Variants in PTPRT observed in about 807,000 individuals in gnomAD.
The protein encoded by PTPRT is protein tyrosine phosphatase receptor type T, also known as receptor-type tyrosine-protein phosphatase T.
PTPRT carries 56 observed loss-of-function variants against 176.8 expected under a neutral mutation model. That is an observed-to-expected ratio of 0.32 (90% CI 0.26 to 0.40). The LOEUF is 0.40. Ranked by LOEUF, PTPRT falls within the 10% of genes least tolerant of loss-of-function variation. PTPRT has a pLI of 1.00. For synonymous variants in PTPRT, 783 were observed against 739.0 expected, an observed-to-expected ratio of 1.06 and a Z score of -0.96; for missense variants, 1,540 against 1,908.2, an observed-to-expected ratio of 0.81 and a Z score of 3.60.
In PTPRT at chr20:42,357,384, G is replaced by A. The variant is rs549530558; in HGVS notation, c.1561-5099C>T. 1.3e-4 allele frequency among the ~76,000 whole-genome samples: 20 copies of A among 152,334 alleles called. No homozygotes were observed. In the East Asian group the frequency reaches 3.7e-3, roughly 28 times the overall value. On this transcript the variant is annotated intron_variant, in intron 9 of 30. Coordinates refer to ENST00000373187, the MANE Select transcript of PTPRT (RefSeq NM_007050.6). The stretch of plus-strand genomic sequence containing the variant: ...TTTAAGCTCCAAGGAGGCAAAGATC[G>A]TATCTGGTGTTTGTTCAACATTTCA...
At chr20:42,640,507 G>A (rs1371684040) in intron 7 of PTPRT, among the ~76,000 whole-genome samples, 1 of 152,028 alleles carries the variant, frequency 6.6e-6, no homozygotes, top group Non-Finnish European at 1.5e-5. Context: ...TCGTGCCTCA[G>A]GTTCCCGAGT....
intron 7 of PTPRT, among the ~76,000 whole-genome samples, chr20:42,572,642 G>T (rs774525085): frequency 6.6e-6 from 1 of 152,156 alleles, no homozygotes; most frequent in African/African-American, 2.4e-5. Flanking sequence ...TTCCCATACT[G>T]TATTCTTCTC....
intron 7 of PTPRT, among the ~76,000 whole-genome samples, chr20:42,631,938 G>C (rs994617363): frequency 5.3e-5 from 8 of 152,100 alleles, no homozygotes; most frequent in African/African-American, 1.9e-4. Flanking sequence ...CTGGGGTCTT[G>C]GGATATGCCA....
chr20:42,087,160 C>T (rs1984053129), intron 27 of PTPRT, among the ~76,000 whole-genome samples: 1 of 151,632 alleles, frequency 6.6e-6, no homozygotes, highest in Admixed American at 6.6e-5. Flanking sequence ...TTAGCTCCCC[C>T]CGAGAGTTAT....
chr20:42,558,710 C>T (rs954141859), intron 7 of PTPRT, among the ~76,000 whole-genome samples: 2 of 152,076 alleles, frequency 1.3e-5, no homozygotes, highest in African/African-American at 4.8e-5. Flanking sequence ...TTTTCCGATT[C>T]CCATCAGTAC....
intron 1 of PTPRT, chr20:42,969,671 G>A (rs1268130702): frequency 6.6e-6 from 1 of 152,078 alleles, no homozygotes; most frequent in Non-Finnish European, 1.5e-5. Context: ...CGTAAGTTTG[G>A]TACAGACTTA....
At chr20:42,808,555 G>C (rs1399765673) in intron 2 of PTPRT, among the ~76,000 whole-genome samples, 1 of 152,142 alleles carries the variant, frequency 6.6e-6, no homozygotes, top group African/African-American at 2.4e-5. Context: ...TGATAGTCAA[G>C]CTAAGGAGCT....
At chr20:42,380,005 C>G (rs1008109502) in intron 9 of PTPRT, among the ~76,000 whole-genome samples, 2 of 152,168 alleles carry the variant, frequency 1.3e-5, no homozygotes, top group Admixed American at 1.3e-4. Flanking sequence ...TCCTTCACTC[C>G]CAAAGCTTTA....
intron 13 of PTPRT, among the ~76,000 whole-genome samples, chr20:42,249,647 G>A (rs2056516914): frequency 6.6e-6 from 1 of 152,208 alleles, no homozygotes; most frequent in Non-Finnish European, 1.5e-5. Flanking sequence ...ATAAAGGTCA[G>A]GGCCAGAATT....
At chr20:42,047,609 C>T in the PTPRT span, among the ~76,000 whole-genome samples, 3 of 152,188 alleles carry the variant, frequency 2.0e-5, no homozygotes, top group African/African-American at 7.2e-5. Context: ...TATTCATTAG[C>T]TTCTTGTAAG....
At chr20:42,579,916 C>A in intron 7 of PTPRT, among the ~76,000 whole-genome samples, 1 of 152,158 alleles carries the variant, frequency 6.6e-6, no homozygotes, top group Non-Finnish European at 1.5e-5. Flanking sequence ...AATTAGATCC[C>A]ATTTCTCAAT....
At chr20:42,418,376 T>G (rs1261516272) in intron 9 of PTPRT, among the ~76,000 whole-genome samples, 1 of 152,174 alleles carries the variant, frequency 6.6e-6, no homozygotes, top group Non-Finnish European at 1.5e-5. Flanking sequence ...GAACTGAGAA[T>G]GATGAGTCTA....
intron 7 of PTPRT, among the ~76,000 whole-genome samples, chr20:42,573,296 A>AG (rs2073191415): frequency 6.6e-6 from 1 of 152,176 alleles, no homozygotes; most frequent in Non-Finnish European, 1.5e-5. Context: ...CCTGGCCACT[A>AG]GGGGCCTTCC....
intron 1 of PTPRT, among the ~76,000 whole-genome samples, chr20:43,172,562 C>A (rs190949411): frequency 6.6e-6 from 1 of 152,200 alleles, no homozygotes; most frequent in Non-Finnish European, 1.5e-5. Flanking sequence ...ACCCCAGCCA[C>A]GCACTCTTAT....
chr20:42,817,852 C>T (rs1029492433), intron 2 of PTPRT, among the ~76,000 whole-genome samples: 3 of 152,174 alleles, frequency 2.0e-5, no homozygotes, highest in African/African-American at 7.2e-5. Context: ...GCTAGAGGCT[C>T]AAGGACAGAA....
chr20:42,748,406 G>C (rs1213183319), intron 6 of PTPRT, among the ~76,000 whole-genome samples: 1 of 152,116 alleles, frequency 6.6e-6, no homozygotes, highest in Non-Finnish European at 1.5e-5. Flanking sequence ...GGAAACTCTG[G>C]AGTCCAGTCT....
At chr20:42,172,391 G>C (rs768736976) in intron 16 of PTPRT, among the ~76,000 whole-genome samples, 16 of 152,158 alleles carry the variant, frequency 1.1e-4, no homozygotes, top group Non-Finnish European at 2.2e-4. Context: ...GTTAGAGACT[G>C]ACAGAACATT....
At chr20:43,045,150 G>A (rs951070122) in intron 1 of PTPRT, among the ~76,000 whole-genome samples, 2 of 152,210 alleles carry the variant, frequency 1.3e-5, no homozygotes, top group African/African-American at 2.4e-5. Context: ...ATCCAGGAGG[G>A]AGGATCCTTG....
At chr20:42,233,003 C>T (rs2056167876) in intron 15 of PTPRT, among the ~76,000 whole-genome samples, 1 of 152,082 alleles carries the variant, frequency 6.6e-6, no homozygotes, top group Non-Finnish European at 1.5e-5. Flanking sequence ...ACTCCTCCTG[C>T]TGCAAAAGCC....
Sources: gnomAD v4.1 joint callset for allele counts (sites outside exome capture counted in the v4.1 genomes callset) on GRCh38, gnomAD v4.1.1 for gene constraint, MANE v1.5 for transcripts, NCBI Gene and HGNC (gene_info 2026-07-23, HGNC 2026-07-21) for gene names.